The following PHF3 variants were observed in gnomAD, a reference collection of about 807,000 sequenced individuals.
PHF3 encodes the protein PHD finger protein 3.
Under a neutral mutation model 178.4 loss-of-function variants are expected in PHF3, and 41 were observed. The observed-to-expected ratio is 0.23, with a 90% CI of 0.18 to 0.30. The LOEUF is 0.30. PHF3 is among the 10% of genes least tolerant of loss of function. The probability of loss-of-function intolerance (pLI) is 1.00; values close to 1 mark genes in which losing one functional copy is unlikely to be tolerated. For synonymous variants in PHF3, 842 were observed against 800.5 expected (o/e 1.05, Z -0.88); for missense variants, 2,346 against 2,398.1 (o/e 0.98, Z 0.45).
In PHF3 at chr6:63,711,680, A is replaced by G; in HGVS notation, c.4092A>G (p.Ile1364Met). Residue 1364 changes from isoleucine (I) to methionine (M), a missense_variant, in exon 16 of 16, where the codon ATA (isoleucine) becomes ATG (methionine). Physicochemically the swap from Ile to Met is conservative, Grantham distance 10. This residue lies in a region of PHF3 where 839 missense variants were observed against 806.9 expected (regional missense o/e 1.04). Transcript: ENST00000262043. The stretch of plus-strand genomic sequence containing the variant: ...GTGCCTGTGCTAGTACTAGTCATAT[A>G]GCTGAGACTCCTGAAAGTGCACCAC... ...QHSACASTSH[I>M]AETPESAPPI... 1 of 1,613,902 alleles carries G rather than the reference A, an allele frequency of 6.2e-7. No homozygotes were observed.
In PHF3 at chr6:63,709,124, ATC is replaced by A. The variant is rs150221351; in HGVS notation, c.3712-23_3712-22del. The stretch of plus-strand genomic sequence containing the variant: ...TAATAAAGATAATCTATATATATTG[ATC>A]TCTTTTTTTTTTTTTTAACCATAGG... On this transcript the variant is annotated intron_variant, in intron 13 of 15. Coordinates refer to ENST00000262043, the MANE Select transcript of PHF3 (RefSeq NM_001370348.2). 38 of 1,139,130 alleles carry A rather than the reference ATC, an allele frequency of 3.3e-5. No individual in the cohort carries two copies. The African/African-American group carries it at 4.5e-4, about 13-fold the overall frequency. 70.6% of individuals were successfully genotyped at this position (1,139,130 alleles called of 1,614,324 possible).
At chr6:63,700,105 T>C (rs1022819097) in intron 8 of PHF3, among the ~76,000 whole-genome samples, 2 of 152,156 alleles carry the variant, frequency 1.3e-5, no homozygotes, top group African/African-American at 4.8e-5. Context: ...TTTGGGTAGG[T>C]ATTGTAATGG....
At chr6:63,689,223 A>G (rs1346607242) in intron 4 of PHF3, among the ~76,000 whole-genome samples, 1 of 152,172 alleles carries the variant, frequency 6.6e-6, no homozygotes, top group Non-Finnish European at 1.5e-5. Context: ...TTTAAACGTA[A>G]GTCAGTTGGC....
intron 1 of PHF3, among the ~76,000 whole-genome samples, chr6:63,637,429 G>C (rs1764389708): frequency 6.6e-6 from 1 of 152,180 alleles, no homozygotes; most frequent in Admixed American, 6.5e-5. Flanking sequence ...GACATGTTGA[G>C]TCAAAGCACC....
Position 63,711,233 on chromosome 6 carries a change from G to A in PHF3, c.3868G>A (p.Ala1290Thr). 2 of 1,613,358 alleles carry A rather than the reference G, an allele frequency of 1.2e-6. No individual in the cohort carries two copies. Among genetic ancestry groups the A allele is most frequent in the Non-Finnish European group, 1.7e-6 (2 of 1,179,530 alleles). The change falls in exon 15 of 16, where the codon GCA becomes ACA. Residue 1290 changes from alanine to threonine, a missense_variant. Ala to Thr is a moderately conservative substitution (Grantham distance 58). Coordinates refer to ENST00000262043, the MANE Select transcript of PHF3 (RefSeq NM_001370348.2). ...TCAAATTTCTTATACTTTGCTCTTT[G>A]CATACTTCAGTAGCAGAAAGCGCTA... is the stretch of plus-strand genomic sequence containing the variant. ...EDQISYTLLF[A>T]YFSSRKRYGV... is the part of the protein sequence containing the mutation.
intron 1 of PHF3, among the ~76,000 whole-genome samples, chr6:63,642,030 TA>T (rs1764598980): frequency 6.6e-6 from 1 of 152,198 alleles, no homozygotes; most frequent in African/African-American, 2.4e-5. Context: ...ATTTTGTTAG[TA>T]TAAACTAAAC....
At chr6:63,686,990 C>G (rs2149586305) in intron 4 of PHF3, among the ~76,000 whole-genome samples, 1 of 152,282 alleles carries the variant, frequency 6.6e-6, no homozygotes, top group Middle Eastern at 3.4e-3. Context: ...TGTGATCCAG[C>G]CCGTGGCCTA....
intron 4 of PHF3, among the ~76,000 whole-genome samples, chr6:63,689,594 A>C (rs1268594450): frequency 6.6e-6 from 1 of 152,164 alleles, no homozygotes; most frequent in Non-Finnish European, 1.5e-5. Context: ...TTTTTAACCT[A>C]AAATATAAAC....
At position 63,717,371 on chromosome 6, in the gene PHF3, T is replaced by C. The variant is rs1768222052; in HGVS notation, c.*3663T>C. Among the ~76,000 whole-genome samples the C allele has an allele frequency of 6.6e-6, 1 of 152,102 alleles. No individual in the cohort carries two copies. The highest frequency in any genetic ancestry group is 2.4e-5 in the African/African-American group (1 of 41,438). The stretch of plus-strand genomic sequence containing the variant: ...GTACTATGCTTATCTCAGATCCCTG[T>C]AACACTGGTCAGGCTACAACTTACT... On this transcript the variant is annotated 3_prime_UTR_variant, in exon 16 of 16. Coordinates refer to ENST00000262043, the MANE Select transcript of PHF3 (RefSeq NM_001370348.2).
In PHF3 at chr6:63,646,900, A is replaced by G. The variant is rs1376028446; in HGVS notation, c.244+105A>G. On this transcript the variant is annotated intron_variant, in intron 2 of 15. Coordinates refer to ENST00000262043, the MANE Select transcript of PHF3 (RefSeq NM_001370348.2). ...TCTTTTTTTCTTTTTTTTTTTTTTA[A>G]TGAGGAGGGTAGTAAATTTAGGGTT... 1.4e-5 allele frequency: 10 copies of G among 714,842 alleles called. No individual in the cohort carries two copies. In the African/African-American group the frequency reaches 2.0e-4, roughly 15 times the overall value. The allele number at this position is 714,842 out of a possible 1,614,324, so 44.3% of individuals were successfully genotyped here.
chr6:63,649,162 CTT>C (rs891527195), intron 2 of PHF3, among the ~76,000 whole-genome samples: 1 of 151,584 alleles, frequency 6.6e-6, no homozygotes, highest in African/African-American at 2.4e-5. Context: ...AGGCTGGTCT[CTT>C]AACTCCTGGC....
In PHF3 at chr6:63,720,428, C is replaced by A; in HGVS notation, c.*6720C>A. ...ATAAATTAGATGTAGGAAAAACAAT[C>A]AGAACCTTCAGTGACATTTTACAAT... On this transcript the variant is annotated 3_prime_UTR_variant, in exon 16 of 16. Transcript: ENST00000262043. 1.8e-6 allele frequency: 1 copy of A among 545,510 alleles called. No individual in the cohort carries two copies. The highest frequency in any genetic ancestry group is 3.7e-5 in the Admixed American group (1 of 26,812). The allele number at this position is 545,510 out of a possible 1,614,324, so 33.8% of individuals were successfully genotyped here.
intron 2 of PHF3, among the ~76,000 whole-genome samples, chr6:63,667,803 T>C (rs1050768437): frequency 6.6e-6 from 1 of 152,206 alleles, no homozygotes; most frequent in Non-Finnish European, 1.5e-5. Context: ...TTTCTGCAAG[T>C]TGGAAATTAG....
chr6:63,660,914 A>G (rs1765438641), intron 2 of PHF3, among the ~76,000 whole-genome samples: 2 of 152,210 alleles, frequency 1.3e-5, no homozygotes, highest in Admixed American at 1.3e-4. Context: ...AGGCATCTGT[A>G]TAGGCATATC....
chr6:63,706,995 A>T, intron 13 of PHF3, 119 bp downstream of exon 13: 1 of 831,142 alleles, frequency 1.2e-6, no homozygotes, highest in Non-Finnish European at 1.9e-6. Flanking sequence ...TGATTTTTAA[A>T]CAGTCCAAGT....
intron 4 of PHF3, among the ~76,000 whole-genome samples, chr6:63,689,160 A>G (rs1766883173): frequency 6.6e-6 from 1 of 152,208 alleles, no homozygotes; most frequent in Non-Finnish European, 1.5e-5. Context: ...GATTTTAAAG[A>G]CCAGATTATT....
Position 63,720,782 on chromosome 6 carries a change from G to A in PHF3, c.*7074G>A, listed in dbSNP as rs767297095. 6.4e-7 allele frequency: 1 copy of A among 1,550,586 alleles called. No homozygotes were observed. Among genetic ancestry groups the A allele is most frequent in the South Asian group, 1.2e-5 (1 of 84,018 alleles). On this transcript the variant is annotated 3_prime_UTR_variant, in exon 16 of 16. Transcript: ENST00000262043. The stretch of plus-strand genomic sequence containing the variant: ...ATTCAAAGCCCCCTAGATAACAAAT[G>A]CCATCATAGTTTAGAGCCACAAAGT...
chr6:63,648,528 T>C (rs1477724401), intron 2 of PHF3, among the ~76,000 whole-genome samples: 1 of 152,204 alleles, frequency 6.6e-6, no homozygotes, highest in Non-Finnish European at 1.5e-5. Flanking sequence ...GTATTCCTAC[T>C]TCCTGTCCTT....
intron 5 of PHF3, among the ~76,000 whole-genome samples, chr6:63,694,363 A>G (rs948425470): frequency 8.6e-5 from 13 of 151,924 alleles, no homozygotes; most frequent in African/African-American, 3.1e-4. Flanking sequence ...CTTATTTTTA[A>G]TTTTCTTTCT....
Sources: gnomAD v4.1 joint callset for allele counts (sites outside exome capture counted in the v4.1 genomes callset) on GRCh38, gnomAD v4.1.1 for gene constraint, gnomAD v4.1.1 regional missense constraint, MANE v1.5 for transcripts, NCBI Gene and HGNC (gene_info 2026-07-23, HGNC 2026-07-21) for gene names.